The following SGCZ variants were observed in gnomAD, a reference collection of about 807,000 sequenced individuals.
The protein encoded by SGCZ is sarcoglycan zeta.
Under a neutral mutation model 41.3 loss-of-function variants are expected in SGCZ, and 40 were observed. The observed-to-expected ratio is 0.97, with a 90% CI of 0.75 to 1.26. The LOEUF is 1.26. Ranked by LOEUF, SGCZ falls within the 50% of genes most tolerant of loss-of-function variation. SGCZ has a pLI of 0.00. For missense variants in SGCZ, 552 were observed against 369.8 expected (o/e 1.49, Z -4.04); for synonymous variants, 206 against 137.5 (o/e 1.50, Z -3.49).
At chr8:14,124,268 C>A (rs1253723565) in intron 5 of SGCZ, among the ~76,000 whole-genome samples, 1 of 151,944 alleles carries the variant, frequency 6.6e-6, no homozygotes, top group Non-Finnish European at 1.5e-5. Flanking sequence ...TTTCCTTTGT[C>A]CTTCACTCCC....
chr8:14,563,143 C>T (rs925054523), intron 1 of SGCZ, among the ~76,000 whole-genome samples: 1 of 152,156 alleles, frequency 6.6e-6, no homozygotes, highest in Non-Finnish European at 1.5e-5. Context: ...GTCGCCTCCT[C>T]CACAGTGTGC....
chr8:14,105,520 A>G (rs1027858335), intron 6 of SGCZ, among the ~76,000 whole-genome samples: 1 of 152,096 alleles, frequency 6.6e-6, no homozygotes, highest in Non-Finnish European at 1.5e-5. Flanking sequence ...AATTGTCAGC[A>G]AGGCTTGTAA....
At chr8:14,611,306 G>A (rs1006212188) in intron 1 of SGCZ, among the ~76,000 whole-genome samples, 1 of 134,672 alleles carries the variant, frequency 7.4e-6, no homozygotes, top group African/African-American at 2.7e-5. Flanking sequence ...ATCTCAAATG[G>A]AGAGAGTAAA....
chr8:15,084,123 C>A (rs1413653447), intron 1 of SGCZ, among the ~76,000 whole-genome samples: 3 of 152,098 alleles, frequency 2.0e-5, no homozygotes, highest in East Asian at 1.9e-4. Context: ...AATCTCCAAA[C>A]AAGTAGTTCT....
At chr8:14,943,835 G>C (rs1800356543) in intron 1 of SGCZ, among the ~76,000 whole-genome samples, 1 of 152,088 alleles carries the variant, frequency 6.6e-6, no homozygotes, top group Non-Finnish European at 1.5e-5. Context: ...GCAGTATTTG[G>C]TTTTCTGTTC....
intron 1 of SGCZ, among the ~76,000 whole-genome samples, chr8:14,666,868 C>G (rs1474429671): frequency 2.6e-5 from 4 of 151,898 alleles, no homozygotes; most frequent in Non-Finnish European, 2.9e-5. Context: ...ATAAAAAGAA[C>G]TATTTTAACG....
intron 1 of SGCZ, among the ~76,000 whole-genome samples, chr8:14,722,331 C>A (rs577616327): frequency 1.3e-5 from 2 of 152,022 alleles, no homozygotes; most frequent in Non-Finnish European, 2.9e-5. Flanking sequence ...TCGGTAGGAA[C>A]ACTAAGCAAT....
intron 1 of SGCZ, among the ~76,000 whole-genome samples, chr8:15,229,238 T>C (rs117142849): frequency 0.017 from 2,537 of 152,238 alleles, 31 homozygotes; most frequent in Middle Eastern, 0.031. Flanking sequence ...AGAAGAGATG[T>C]GAAATACTGA....
intron 1 of SGCZ, among the ~76,000 whole-genome samples, chr8:15,162,639 A>G (rs753323249): frequency 9.9e-5 from 15 of 152,228 alleles, no homozygotes; most frequent in African/African-American, 2.9e-4. Flanking sequence ...TTCACTTTTC[A>G]TAAGAGTTAG....
chr8:14,852,337 T>C (rs1309081032), intron 1 of SGCZ, among the ~76,000 whole-genome samples: 2 of 152,204 alleles, frequency 1.3e-5, no homozygotes, highest in Admixed American at 1.3e-4. Context: ...ACTTTGTAAA[T>C]AATTTATAGG....
intron 1 of SGCZ, among the ~76,000 whole-genome samples, chr8:15,191,903 C>G (rs370722643): frequency 2.0e-5 from 3 of 151,994 alleles, no homozygotes; most frequent in South Asian, 4.2e-4. Flanking sequence ...CGCTTAAGGG[C>G]TCAGATTGCT....
chr8:14,775,477 G>C (rs1029271631), intron 1 of SGCZ, among the ~76,000 whole-genome samples: 9 of 151,954 alleles, frequency 5.9e-5, no homozygotes, highest in South Asian at 4.2e-4. Context: ...GTGTGTGTGT[G>C]TGTGTGTGTG....
chr8:14,982,010 C>G (rs748738437), intron 1 of SGCZ, among the ~76,000 whole-genome samples: 45 of 151,762 alleles, frequency 3.0e-4, no homozygotes, highest in Non-Finnish European at 5.6e-4. Context: ...ATTAGCCAGG[C>G]GTGGTGGCTC....
Position 14,554,889 on chromosome 8 carries a change from T to C in SGCZ, c.77A>G (p.Asn26Ser), listed in dbSNP as rs764480099. The C allele has an allele frequency of 1.9e-6, 3 of 1,612,980 alleles. No homozygotes were observed. Among genetic ancestry groups the C allele is most frequent in the East Asian group, 2.2e-5 (1 of 44,810 alleles). The stretch of plus-strand genomic sequence containing the variant: ...TGCATTCTCAGTCCTTGGCAGGTTA[T>C]TCTGTTGGGTTGCTAGTATGTATTG... ...REQYILATQQ[N>S]NLPRTENAQL... The change falls in exon 2 of 8, where the codon AAT (asparagine) becomes AGT (serine). Residue 26 changes from asparagine to serine, a missense_variant. Transcript: ENST00000382080.
At chr8:14,395,351 A>G (rs1408241425) in intron 2 of SGCZ, among the ~76,000 whole-genome samples, 3 of 152,210 alleles carry the variant, frequency 2.0e-5, no homozygotes, top group African/African-American at 7.2e-5. Flanking sequence ...TTCAGTGTTT[A>G]TCAGTCAAGT....
At chr8:14,695,852 G>A (rs1430198736) in intron 1 of SGCZ, among the ~76,000 whole-genome samples, 2 of 151,830 alleles carry the variant, frequency 1.3e-5, no homozygotes, top group Admixed American at 1.3e-4. Flanking sequence ...ACAAGACAAA[G>A]GCATTGCTAG....
chr8:14,858,470 A>C (rs1803615419), intron 1 of SGCZ, among the ~76,000 whole-genome samples: 1 of 152,154 alleles, frequency 6.6e-6, no homozygotes, highest in Non-Finnish European at 1.5e-5. Flanking sequence ...TAGTTGAAAC[A>C]TGAGAAAAAT....
chr8:14,551,504 ATATTATATATAT>A lies in SGCZ; in HGVS notation c.234+3216_234+3227del, dbSNP rs1444941969. Among the ~76,000 whole-genome samples the A allele has an allele frequency of 9.4e-4, 5 of 5,334 alleles. 1 individual carries two copies. Among genetic ancestry groups the A allele is most frequent in the Non-Finnish European group, 1.4e-3 (5 of 3,478 alleles). 3.5% of individuals were successfully genotyped at this position (5,334 alleles called of 152,430 possible). A position where few individuals can be genotyped will look rare whatever the true frequency, so the allele number is the denominator to read the frequency against. ...ATTATATATATTATATATATTATATATATTATATATATTATATATAATATATATAATATATAT... is the reference window on the plus strand; with the variant it reads ...ATTATATATATTATATATATTATATATATATATAATATATATAATATATAT... On this transcript the variant is annotated intron_variant, in intron 2 of 7. Transcript: ENST00000382080.
At chr8:14,423,559 G>A (rs184762599) in intron 2 of SGCZ, among the ~76,000 whole-genome samples, 1 of 152,162 alleles carries the variant, frequency 6.6e-6, no homozygotes, top group African/African-American at 2.4e-5. Flanking sequence ...TGGGATTACA[G>A]GCATACACCA....
Sources: gnomAD v4.1 joint callset for allele counts (sites outside exome capture counted in the v4.1 genomes callset) on GRCh38, gnomAD v4.1.1 for gene constraint, MANE v1.5 for transcripts, NCBI Gene and HGNC (gene_info 2026-07-23, HGNC 2026-07-21) for gene names.